COL5A2: variants seen among roughly 807,000 people sequenced by gnomAD.
The protein encoded by COL5A2 is collagen type V alpha 2 chain, also known as collagen alpha-2(V) chain.
Under a neutral mutation model 208.2 loss-of-function variants are expected in COL5A2, and 23 were observed. The observed-to-expected ratio is 0.11, with a 90% CI of 0.08 to 0.16. The LOEUF (loss-of-function observed/expected upper bound fraction) is 0.16. Ranked by LOEUF, COL5A2 falls within the 10% of genes least tolerant of loss-of-function variation. COL5A2 has a pLI of 1.00. For synonymous variants in COL5A2, 625 were observed against 628.5 expected, an observed-to-expected ratio of 0.99 and a Z score of 0.08; for missense variants, 1,590 against 1,956.4, an observed-to-expected ratio of 0.81 and a Z score of 3.53.
At chr2:189,065,364 T>A (rs565640552) in intron 23 of COL5A2, among the ~76,000 whole-genome samples, 17 of 152,232 alleles carry the variant, frequency 1.1e-4, no homozygotes, top group African/African-American at 3.8e-4. Flanking sequence ...AACCTGTCTC[T>A]ACTAAAAATA....
chr2:189,076,021 C>T (rs966963710), intron 16 of COL5A2, among the ~76,000 whole-genome samples: 2 of 152,056 alleles, frequency 1.3e-5, no homozygotes, highest in African/African-American at 4.8e-5. Context: ...AAGCATTGGC[C>T]CTTATTTGAC....
chr2:189,113,938 T>C (rs137938688), intron 1 of COL5A2, among the ~76,000 whole-genome samples: 23 of 152,244 alleles, frequency 1.5e-4, no homozygotes, highest in South Asian at 4.1e-4. Context: ...ATTGTCTCAG[T>C]CTTGTGTTAA....
the COL5A2 span, among the ~76,000 whole-genome samples, chr2:189,435,915 C>T: frequency 6.6e-6 from 1 of 152,182 alleles, no homozygotes; most frequent in African/African-American, 2.4e-5. Context: ...ATAGCAAAGA[C>T]TTGGAACCAG....
chr2:189,393,170 TC>T, the COL5A2 span, among the ~76,000 whole-genome samples: 3 of 152,136 alleles, frequency 2.0e-5, no homozygotes, highest in African/African-American at 7.2e-5. Context: ...TTTTTTTTAA[TC>T]TTCAAATCCT....
the COL5A2 span, among the ~76,000 whole-genome samples, chr2:189,333,243 C>T: frequency 1.1e-4 from 16 of 151,978 alleles, no homozygotes; most frequent in Admixed American, 9.8e-4. Flanking sequence ...AACGCACTAA[C>T]AATAGATAAA....
chr2:189,274,810 C>T, the COL5A2 span, among the ~76,000 whole-genome samples: 2 of 151,784 alleles, frequency 1.3e-5, no homozygotes, highest in South Asian at 4.2e-4. Context: ...TCTAGCTTTA[C>T]AATTTATTGT....
chr2:189,222,025 CA>C (rs565329432), intron 1 of COL5A2, among the ~76,000 whole-genome samples: 45 of 144,964 alleles, frequency 3.1e-4, no homozygotes, highest in African/African-American at 7.3e-4. Context: ...CCTGAGGCCT[CA>C]AAAAAAAAAA....
chr2:189,334,820 G>C, the COL5A2 span, among the ~76,000 whole-genome samples: 1 of 151,970 alleles, frequency 6.6e-6, no homozygotes, highest in Admixed American at 6.5e-5. Context: ...TGCATTACCT[G>C]ATTTCAAGGC....
intron 2 of COL5A2, among the ~76,000 whole-genome samples, chr2:189,106,972 C>T (rs1559107276): frequency 6.6e-6 from 1 of 151,258 alleles, no homozygotes; most frequent in Non-Finnish European, 1.5e-5. Flanking sequence ...TGCTAATAGA[C>T]TTAATATTTT....
intron 1 of COL5A2, among the ~76,000 whole-genome samples, chr2:189,145,396 T>G: frequency 6.6e-6 from 1 of 152,262 alleles, no homozygotes; most frequent in East Asian, 1.9e-4. Flanking sequence ...AATACAGTAA[T>G]GCAAATATAC....
At chr2:189,168,473 A>C (rs1237994003) in intron 1 of COL5A2, among the ~76,000 whole-genome samples, 1 of 152,046 alleles carries the variant, frequency 6.6e-6, no homozygotes, top group Non-Finnish European at 1.5e-5. Context: ...TCATCACAAC[A>C]TGAAAACCAT....
At chr2:189,141,048 T>A (rs1687924458) in intron 1 of COL5A2, among the ~76,000 whole-genome samples, 1 of 152,150 alleles carries the variant, frequency 6.6e-6, no homozygotes, top group Non-Finnish European at 1.5e-5. Context: ...AACTATAAAA[T>A]AGCCAGATGT....
chr2:189,285,341 C>T, the COL5A2 span, among the ~76,000 whole-genome samples: 1 of 152,000 alleles, frequency 6.6e-6, no homozygotes, highest in African/African-American at 2.4e-5. Flanking sequence ...AAGCCCTGAA[C>T]CCACCAATAC....
At chr2:189,228,446 T>C (rs944255967), upstream of COL5A2, among the ~76,000 whole-genome samples, 2 of 151,322 alleles carry the variant, frequency 1.3e-5, no homozygotes, top group Non-Finnish European at 3.0e-5. Context: ...ACAAAAAAAC[T>C]AAAATGGACA....
chr2:189,049,016 A>C (rs143993989), intron 44 of COL5A2, among the ~76,000 whole-genome samples: 1 of 145,616 alleles, frequency 6.9e-6, no homozygotes, highest in Admixed American at 7.1e-5. Context: ...AATTTTGATA[A>C]ATATGTCATT....
chr2:189,420,382 C>G, the COL5A2 span, among the ~76,000 whole-genome samples: 1 of 152,028 alleles, frequency 6.6e-6, no homozygotes, highest in East Asian at 1.9e-4. Context: ...GGTGAAGTCC[C>G]ACAGTATTTT....
chr2:189,328,161 A>G, the COL5A2 span, among the ~76,000 whole-genome samples: 1 of 152,194 alleles, frequency 6.6e-6, no homozygotes, highest in African/African-American at 2.4e-5. Context: ...AAAAATAACA[A>G]TGAACCCATT....
At chr2:189,413,191 T>A in the COL5A2 span, among the ~76,000 whole-genome samples, 404 of 152,294 alleles carry the variant, frequency 2.7e-3, no homozygotes, top group African/African-American at 9.2e-3. Flanking sequence ...GAAGCCTGGA[T>A]TTTAGCCTAT....
chr2:189,114,447 G>T (rs1687346441), intron 1 of COL5A2, among the ~76,000 whole-genome samples: 2 of 152,102 alleles, frequency 1.3e-5, no homozygotes, highest in Non-Finnish European at 1.5e-5. Context: ...CAGCCAATTT[G>T]TTGAAAAATA....
Sources: gnomAD v4.1 joint callset for allele counts (sites outside exome capture counted in the v4.1 genomes callset) on GRCh38, gnomAD v4.1.1 for gene constraint, MANE v1.5 for transcripts, NCBI Gene and HGNC (gene_info 2026-07-23, HGNC 2026-07-21) for gene names.